TRPM4: variants seen among roughly 807,000 people sequenced by gnomAD.
The protein encoded by TRPM4 is calcium-activated non-selective cation channel 1.
Under a neutral mutation model 135.6 loss-of-function variants are expected in TRPM4, and 124 were observed. The observed-to-expected ratio is 0.91, with a 90% CI of 0.79 to 1.06. The LOEUF (loss-of-function observed/expected upper bound fraction) is 1.06, where lower values mean the gene tolerates loss of function less well. Among genes scored for constraint, TRPM4 ranks in the 50% least tolerant of loss-of-function variants. The probability of loss-of-function intolerance (pLI) is 0.00; values close to 1 mark genes in which losing one functional copy is unlikely to be tolerated. For missense variants in TRPM4, 1,658 were observed against 1,671.4 expected, an observed-to-expected ratio of 0.99 and a Z score of 0.14; for synonymous variants, 745 against 705.6, an observed-to-expected ratio of 1.06 and a Z score of -0.88.
chr19:49,210,411 A>C lies in TRPM4; in HGVS notation c.3328+6A>C. 6 of 1,612,914 alleles carry C rather than the reference A, an allele frequency of 3.7e-6. No individual in the cohort carries two copies. Among genetic ancestry groups the C allele is most frequent in the Non-Finnish European group, 5.1e-6 (6 of 1,179,954 alleles). On this transcript the variant is annotated splice_donor_region_variant and intron_variant, in intron 21 of 24. Coordinates refer to ENST00000252826, the MANE Select transcript of TRPM4 (RefSeq NM_017636.4). This position sits in a 1 kb window ranked among gnomAD's most constrained non-coding sequence, Gnocchi z 4.1. The stretch of plus-strand genomic sequence containing the variant: ...CCCGGCCCTCGAGCATTTCCGTAAG[A>C]ACAGAGCTTGGCTTAAAAAGGAGAA...
chr19:49,158,583 GTTTCA>G, intron 2 of TRPM4: 1 of 326,562 alleles, frequency 3.1e-6, no homozygotes, highest in Non-Finnish European at 5.5e-6. Flanking sequence ...GGGTATTTCT[GTTTCA>G]TTCATTCATT....
chr19:49,166,323 C>T, intron 3 of TRPM4, 108 bp downstream of exon 3: 3 of 1,194,836 alleles, frequency 2.5e-6, no homozygotes, highest in Non-Finnish European at 2.3e-6. Context: ...TCCGCCCATC[C>T]CTGTCTTGGC....
rs1355019419 is a variant in TRPM4 at position 49,174,084 on chromosome 19, AT to A, written c.1150+1979del. ...TTGTTTGGATACAACCTTAGGTAAA[AT>A]TTAAGACAGAAGCACAGGCAAGAAT... On this transcript the variant is annotated intron_variant, in intron 9 of 24. Coordinates refer to ENST00000252826, the MANE Select transcript of TRPM4 (RefSeq NM_017636.4). Among the ~76,000 whole-genome samples, 5 of 152,132 alleles carry A rather than the reference AT, an allele frequency of 3.3e-5. No individual in the cohort carries two copies. The East Asian group carries it at 9.7e-4, about 29-fold the overall frequency.
intron 17 of TRPM4, among the ~76,000 whole-genome samples, chr19:49,199,243 T>G (rs1001489621): frequency 1.4e-5 from 2 of 144,268 alleles, no homozygotes; most frequent in African/African-American, 5.2e-5. Flanking sequence ...GCCCCCTTGT[T>G]TTTTTTTTGG....
rs1211604715 is a variant in TRPM4 at position 49,171,952 on chromosome 19, C to T, written c.1051-57C>T. The T allele has an allele frequency of 1.3e-6, 2 of 1,485,884 alleles. No individual in the cohort carries two copies. The highest frequency in any genetic ancestry group is 1.1e-5 in the South Asian group (1 of 88,484). 92.0% of individuals were successfully genotyped at this position (1,485,884 alleles called of 1,614,324 possible). On this transcript the variant is annotated intron_variant, in intron 8 of 24. Coordinates refer to ENST00000252826, the MANE Select transcript of TRPM4 (RefSeq NM_017636.4). The surrounding 1 kb of genome is among the most constrained non-coding windows in gnomAD (Gnocchi z 4.7). Reference sequence around the variant, plus strand: ...GCCTCCTCCATCCCTTTGGACAGGGCCCAACAGGAGTTGGGGATGGAGGCG... The same window carrying T: ...GCCTCCTCCATCCCTTTGGACAGGGTCCAACAGGAGTTGGGGATGGAGGCG...
At chr19:49,165,070 T>C (rs1283385412) in intron 2 of TRPM4, among the ~76,000 whole-genome samples, 1 of 152,162 alleles carries the variant, frequency 6.6e-6, no homozygotes, top group East Asian at 1.9e-4. Flanking sequence ...TTTCTCATTC[T>C]CCAAACCCCT....
In TRPM4 at chr19:49,210,956, CA is replaced by C. The variant is rs1438762801; in HGVS notation, c.3462-58del. ...AGAGGGAGGAGGCCCGGGAAGCAGG[CA>C]GAGCCCTGGGGGTGGGTGGGCTGCG... is the stretch of plus-strand genomic sequence containing the variant. On this transcript the variant is annotated intron_variant, in intron 22 of 24. Transcript: ENST00000252826. The surrounding 1 kb of genome is among the most constrained non-coding windows in gnomAD (Gnocchi z 4.1). The C allele has an allele frequency of 2.0e-6, 3 of 1,489,952 alleles. No individual in the cohort carries two copies. The highest frequency in any genetic ancestry group is 2.7e-6 in the Non-Finnish European group (3 of 1,105,844). The allele number at this position is 1,489,952 out of a possible 1,614,324, so 92.3% of individuals were successfully genotyped here.
intron 20 of TRPM4, among the ~76,000 whole-genome samples, chr19:49,203,373 G>C (rs1216540946): frequency 6.6e-6 from 1 of 151,552 alleles, no homozygotes. Flanking sequence ...TAGAGATGGG[G>C]TTTCACCGTG....
chr19:49,166,942 G>A (rs915357711), intron 3 of TRPM4, among the ~76,000 whole-genome samples: 1 of 140,396 alleles, frequency 7.1e-6, no homozygotes, highest in Admixed American at 7.1e-5. Flanking sequence ...CTGTCTCTCC[G>A]GGTCTCTGTT....
rs1387528488 is a variant in TRPM4, at chr19:49,210,747, A to G, written c.3366A>G (p.Leu1122=). ...YLSKEAERKL[L]TWESVHKENF... Reference sequence around the variant, plus strand: ...CTAAGGAAGCCGAGCGGAAGCTGCTAACGTGGGAATCGGTGCATAAGGAGA... The same window carrying G: ...CTAAGGAAGCCGAGCGGAAGCTGCTGACGTGGGAATCGGTGCATAAGGAGA... The change falls in exon 22 of 25, where the codon CTA becomes CTG. Residue 1122 remains leucine (L), a synonymous_variant. Transcript: ENST00000252826. This position sits in a 1 kb window ranked among gnomAD's most constrained non-coding sequence, Gnocchi z 4.1. The G allele has an allele frequency of 4.3e-6, 7 of 1,614,152 alleles. No individual in the cohort carries two copies. The highest frequency in any genetic ancestry group is 1.1e-5 in the South Asian group (1 of 91,060).
At chr19:49,190,589 C>G in intron 15 of TRPM4, 107 bp from the exon 16 acceptor site, 2 of 1,193,778 alleles carry the variant, frequency 1.7e-6, no homozygotes, top group East Asian at 2.4e-5. Context: ...GACCACCTCT[C>G]TGTCCCTCTG....
chr19:49,206,471 C>T (rs1369267103), intron 20 of TRPM4, among the ~76,000 whole-genome samples: 1 of 148,040 alleles, frequency 6.8e-6, no homozygotes, highest in African/African-American at 2.5e-5. Flanking sequence ...CAGAGTTTCA[C>T]TCTTGTTGCC....
intron 2 of TRPM4, 67 bp downstream of exon 2, chr19:49,158,326 C>G: frequency 7.3e-7 from 1 of 1,377,044 alleles, no homozygotes; most frequent in East Asian, 2.3e-5. Flanking sequence ...CGCGGATGGT[C>G]ACGCCCCAGC....
rs200075383 is a variant in TRPM4 at position 49,168,345 on chromosome 19, T to G, written c.534T>G (p.Thr178=). ...TACGGGACCATCAGATGGCCAGCAC[T>G]GGGGGCACCAAGGTGGTGGCCATGG... The part of the protein sequence containing the change: ...VAVRDHQMAS[T]GGTKVVAMGV... The change falls in exon 5 of 25, where the codon ACT becomes ACG. Residue 178 remains threonine (T), a synonymous_variant. Coordinates refer to ENST00000252826, the MANE Select transcript of TRPM4 (RefSeq NM_017636.4). 6.2e-7 allele frequency: 1 copy of G among 1,614,116 alleles called. No individual in the cohort carries two copies. The highest frequency in any genetic ancestry group is 1.7e-5 in the Admixed American group (1 of 60,026).
rs528838962 is a variant in TRPM4, at chr19:49,210,768, G to T, written c.3387G>T (p.Lys1129Asn). The T allele has an allele frequency of 6.2e-7, 1 of 1,614,120 alleles. No homozygotes were observed. Among genetic ancestry groups the T allele is most frequent in the East Asian group, 2.2e-5 (1 of 44,884 alleles). The change falls in exon 22 of 25, where the codon AAG becomes AAT. Residue 1129 changes from lysine (K) to asparagine (N), a missense_variant. Lys to Asn is a moderately conservative substitution (Grantham distance 94, BLOSUM62 0). This residue lies in a region of TRPM4 where 1,412 missense variants were observed against 1,408.7 expected (regional missense o/e 1.00). Transcript: ENST00000252826. The surrounding 1 kb of genome is among the most constrained non-coding windows in gnomAD (Gnocchi z 4.1). ...RKLLTWESVH[K>N]ENFLLARARD... ...TGCTAACGTGGGAATCGGTGCATAA[G>T]GAGAACTTTCTGCTGGCACGCGCTA... is the stretch of plus-strand genomic sequence containing the variant.
intron 20 of TRPM4, among the ~76,000 whole-genome samples, chr19:49,207,847 G>A (rs1414414671): frequency 6.6e-6 from 1 of 151,988 alleles, no homozygotes; most frequent in East Asian, 1.9e-4. Context: ...AAGACAAAGA[G>A]ATCAAAGAAA....
rs777992375 is a variant in TRPM4 at position 49,166,195 on chromosome 19, G to A, written c.247G>A (p.Ala83Thr). The change falls in exon 3 of 25, where the codon GCC (alanine) becomes ACC (threonine). Residue 83 changes from alanine (A) to threonine (T), a missense_variant. Around this residue, in one of 3 missense-constraint regions of TRPM4, gnomAD observed 239 missense variants for 240.1 expected, o/e 1.00. Transcript: ENST00000252826. Reference sequence around the variant, plus strand: ...CTACGGAGAGCTGGACTTCACGGGGGCCGGCCGCAAGCACAGCAATGTGAG... The same window carrying A: ...CTACGGAGAGCTGGACTTCACGGGGACCGGCCGCAAGCACAGCAATGTGAG... ...DAYGELDFTGAGRKHSNFLRL... is the reference protein window; with the variant it reads ...DAYGELDFTGTGRKHSNFLRL... 2 of 1,606,676 alleles carry A rather than the reference G, an allele frequency of 1.2e-6. No homozygotes were observed. The highest frequency in any genetic ancestry group is 1.7e-6 in the Non-Finnish European group (2 of 1,177,554).
chr19:49,166,054 C>CA lies in TRPM4; in HGVS notation c.107dup (p.Cys37ValfsTer59). ...TCGCACCCCCAGAGGGACCTTGTGC[C>CA]AGTGTGGGCGCCCCCGGACCGCCCA... On this transcript the variant is annotated frameshift_variant, in exon 3 of 25. Coordinates refer to ENST00000252826, the MANE Select transcript of TRPM4 (RefSeq NM_017636.4). LOFTEE classifies it high-confidence loss of function. 3.1e-6 allele frequency: 5 copies of CA among 1,597,260 alleles called. No homozygotes were observed. The highest frequency in any genetic ancestry group is 4.3e-6 in the Non-Finnish European group (5 of 1,173,964).
rs746156917 is a variant in TRPM4 at position 49,210,742 on chromosome 19, C to T, written c.3361C>T (p.Leu1121=). Residue 1121 remains leucine, a synonymous_variant, in exon 22 of 25, where the codon CTG becomes TTG. Transcript: ENST00000252826. This position sits in a 1 kb window ranked among gnomAD's most constrained non-coding sequence, Gnocchi z 4.1. The stretch of plus-strand genomic sequence containing the variant: ...CCTTTCTAAGGAAGCCGAGCGGAAG[C>T]TGCTAACGTGGGAATCGGTGCATAA... ...VYLSKEAERK[L]LTWESVHKEN... The T allele has an allele frequency of 3.7e-6, 6 of 1,614,070 alleles. No individual in the cohort carries two copies. The East Asian group carries it at 1.1e-4, about 30-fold the overall frequency.
Sources: gnomAD v4.1 joint callset for allele counts (sites outside exome capture counted in the v4.1 genomes callset) on GRCh38, gnomAD v4.1.1 for gene constraint, gnomAD v4.1.1 regional missense constraint, Gnocchi (gnomAD v3.1) non-coding constraint, MANE v1.5 for transcripts, NCBI Gene and HGNC (gene_info 2026-07-23, HGNC 2026-07-21) for gene names.